The following CSMD1 variants were observed in gnomAD, a reference collection of about 807,000 sequenced individuals.
CSMD1 encodes the protein CUB and sushi domain-containing protein 1.
A neutral mutation model predicts 417.5 loss-of-function variants in CSMD1; 213 were observed. That is an observed-to-expected ratio of 0.51 (90% CI 0.46 to 0.57). The LOEUF is 0.57. CSMD1 is among the 20% of genes least tolerant of loss of function. The pLI is 0.00. For missense variants in CSMD1, 6,923 were observed against 4,529.7 expected, an observed-to-expected ratio of 1.53 and a Z score of -15.17; for synonymous variants, 2,862 against 1,736.8, an observed-to-expected ratio of 1.65 and a Z score of -16.11.
Position 3,998,112 on chromosome 8 carries a change from T to G in CSMD1, c.611-2A>C, listed in dbSNP as rs1428696300. The G allele has an allele frequency of 1.9e-6, 3 of 1,558,098 alleles. No individual in the cohort carries two copies. Among genetic ancestry groups the G allele is most frequent in the Non-Finnish European group, 8.7e-7 (1 of 1,149,694 alleles). ...AGGTTCCTCCGCAGGCTCCCTCAGC[T>G]GCAGGGGCAAAAGCAGAAAGAAAGC... On this transcript the variant is annotated splice_acceptor_variant, in intron 4 of 69. Transcript: ENST00000635120. LOFTEE classifies it high-confidence loss of function.
chr8:4,782,517 T>A (rs928360502), intron 1 of CSMD1, among the ~76,000 whole-genome samples: 5 of 152,282 alleles, frequency 3.3e-5, no homozygotes, highest in African/African-American at 1.2e-4. Flanking sequence ...GGTCTATCCA[T>A]AGCAAAACCA....
intron 3 of CSMD1, among the ~76,000 whole-genome samples, chr8:4,242,383 A>T (rs1310436411): frequency 6.6e-6 from 1 of 152,196 alleles, no homozygotes; most frequent in East Asian, 1.9e-4. Context: ...ATGAGAGAAG[A>T]AAACACTTCC....
intron 23 of CSMD1, among the ~76,000 whole-genome samples, chr8:3,326,941 A>G (rs1296582612): frequency 2.6e-5 from 4 of 152,002 alleles, no homozygotes; most frequent in Admixed American, 1.3e-4. Flanking sequence ...CTTAGGGAGG[A>G]AGAGGTGGGA....
chr8:4,869,637 A>G (rs1458869190), intron 1 of CSMD1, among the ~76,000 whole-genome samples: 1 of 152,004 alleles, frequency 6.6e-6, no homozygotes, highest in African/African-American at 2.4e-5. Flanking sequence ...TTCTTCTTAT[A>G]TTCTCTGCTA....
chr8:3,957,543 G>T (rs1033640517), intron 5 of CSMD1, among the ~76,000 whole-genome samples: 2 of 152,160 alleles, frequency 1.3e-5, no homozygotes, highest in African/African-American at 4.8e-5. Context: ...AACTAGCTGG[G>T]CATGGCGGGG....
intron 13 of CSMD1, 127 bp from the exon 14 acceptor site, chr8:3,408,352 TTAATA>T: frequency 3.0e-6 from 2 of 657,314 alleles, no homozygotes; most frequent in Non-Finnish European, 5.1e-6. Flanking sequence ...TCCAACTATT[TTAATA>T]TAAGTAATTC....
intron 25 of CSMD1, among the ~76,000 whole-genome samples, chr8:3,289,001 G>C (rs13277010): frequency 7.2e-6 from 1 of 139,402 alleles, no homozygotes; most frequent in Non-Finnish European, 1.5e-5. Flanking sequence ...AACAGTCCCC[G>C]GTGTGTGATG....
At position 3,253,451 on chromosome 8, in the gene CSMD1, AT is replaced by A. The variant is rs568594756; in HGVS notation, c.4154-23221del. Among the ~76,000 whole-genome samples, 439 of 152,230 alleles carry A rather than the reference AT, an allele frequency of 2.9e-3. 2 individuals are homozygous for A. Among genetic ancestry groups the A allele is most frequent in the African/African-American group, 0.01 (418 of 41,524 alleles). On this transcript the variant is annotated intron_variant, in intron 26 of 69. Transcript: ENST00000635120. Reference sequence around the variant, plus strand: ...GCTGAGGAGTGCTTTACTTCCAACTATGTGGTCAATTTTGGACTAGGTGTGG... The same window carrying A: ...GCTGAGGAGTGCTTTACTTCCAACTAGTGGTCAATTTTGGACTAGGTGTGG...
At chr8:3,221,164 G>C (rs1398507831) in intron 28 of CSMD1, among the ~76,000 whole-genome samples, 1 of 152,182 alleles carries the variant, frequency 6.6e-6, no homozygotes, top group Admixed American at 6.5e-5. Flanking sequence ...AACAGAGAAC[G>C]TGGTACCGCC....
chr8:3,839,192 A>G (rs1563132844), intron 5 of CSMD1, among the ~76,000 whole-genome samples: 1 of 126,722 alleles, frequency 7.9e-6, no homozygotes. Context: ...TATAATAAAT[A>G]AATTAATATG....
chr8:3,873,134 A>G (rs1019906002), intron 5 of CSMD1, among the ~76,000 whole-genome samples: 4 of 152,134 alleles, frequency 2.6e-5, no homozygotes, highest in South Asian at 2.1e-4. Flanking sequence ...CTATTGAGGA[A>G]ACTAGTATGA....
At chr8:4,079,229 C>G (rs913776309) in intron 3 of CSMD1, among the ~76,000 whole-genome samples, 1 of 152,108 alleles carries the variant, frequency 6.6e-6, no homozygotes, top group African/African-American at 2.4e-5. Flanking sequence ...TGGGAAACAA[C>G]TGAATGAGTA....
At chr8:3,312,570 T>C (rs892937615) in intron 23 of CSMD1, among the ~76,000 whole-genome samples, 23 of 152,206 alleles carry the variant, frequency 1.5e-4, no homozygotes, top group Admixed American at 8.5e-4. Context: ...ATTTGATGGT[T>C]CACACACAGT....
intron 3 of CSMD1, among the ~76,000 whole-genome samples, chr8:4,320,988 A>C (rs115000684): frequency 6.6e-6 from 1 of 152,138 alleles, no homozygotes; most frequent in Admixed American, 6.5e-5. Context: ...TTGCCTCCTT[A>C]TACCAGTTTC....
At chr8:3,453,798 G>C (rs985815211) in intron 12 of CSMD1, among the ~76,000 whole-genome samples, 3 of 152,188 alleles carry the variant, frequency 2.0e-5, no homozygotes, top group African/African-American at 7.2e-5. Context: ...ATTGATTTGG[G>C]GGGGATAGTT....
rs139592219 is a variant in CSMD1 at position 4,314,403 on chromosome 8, C to G, written c.415+105550G>C. Among the ~76,000 whole-genome samples the G allele has an allele frequency of 3.9e-5, 6 of 152,304 alleles. No homozygotes were observed. In the East Asian group the frequency reaches 1.2e-3, roughly 29 times the overall value. ...GGGCCAGAGTTCACAGGCAAACTAA[C>G]AGAAATAAGTGTTCTATTTCAGGAA... is the stretch of plus-strand genomic sequence containing the variant. On this transcript the variant is annotated intron_variant, in intron 3 of 69. Transcript: ENST00000635120.
intron 3 of CSMD1, among the ~76,000 whole-genome samples, chr8:4,094,197 G>C (rs1469913678): frequency 6.6e-6 from 1 of 151,990 alleles, no homozygotes; most frequent in Admixed American, 6.6e-5. Context: ...AGCCAAACCT[G>C]GGTGTGAGCT....
At position 4,198,333 on chromosome 8, in the gene CSMD1, T is replaced by C. The variant is rs576553629; in HGVS notation, c.416-166234A>G. On this transcript the variant is annotated intron_variant, in intron 3 of 69. Transcript: ENST00000635120. ...TGGCAAGCCCGACAAGAGTACGTCA[T>C]GGTGGACCTGTGTGCTAAGCCAGGA... is the stretch of plus-strand genomic sequence containing the variant. Among the ~76,000 whole-genome samples the C allele has an allele frequency of 5.5e-4, 84 of 152,344 alleles. 1 individual carries two copies. In the South Asian group the frequency reaches 0.013, roughly 23 times the overall value.
chr8:3,363,512 C>CTTATTTATTTATTTAT (rs72391770), intron 20 of CSMD1, among the ~76,000 whole-genome samples: 414 of 150,768 alleles, frequency 2.7e-3, no homozygotes, highest in Non-Finnish European at 4.4e-3. Flanking sequence ...TGTAGAAAGG[C>CTTATTTATTTATTTAT]TTATTTATTT....
Sources: allele counts gnomAD v4.1 joint callset (sites outside exome capture counted in the v4.1 genomes callset), GRCh38; gene constraint gnomAD v4.1.1; transcripts MANE v1.5; gene names NCBI Gene and HGNC (gene_info 2026-07-23, HGNC 2026-07-21).